E2F4: variants seen among roughly 807,000 people sequenced by gnomAD.
E2F4 encodes transcription factor E2F4.
In E2F4, 16 loss-of-function variants were observed where a neutral mutation model predicts 44.5. That is an observed-to-expected ratio of 0.36 (90% CI 0.24 to 0.55). The LOEUF (loss-of-function observed/expected upper bound fraction) is 0.55. E2F4 is among the 20% of genes least tolerant of loss of function. The probability of loss-of-function intolerance (pLI) is 0.87; values close to 1 mark genes in which losing one functional copy is unlikely to be tolerated. For missense variants in E2F4, 473 were observed against 522.1 expected, an observed-to-expected ratio of 0.91 and a Z score of 0.92; for synonymous variants, 242 against 207.2, an observed-to-expected ratio of 1.17 and a Z score of -1.44.
chr16:67,198,230 C>G lies in E2F4; in HGVS notation c.*107C>G, dbSNP rs1360633132. ...TACAGAGCTTGAGAGCCACAGACGCCTGGCTTCTCCGGCCTCCCCTCACCG... is the reference window on the plus strand; with the variant it reads ...TACAGAGCTTGAGAGCCACAGACGCGTGGCTTCTCCGGCCTCCCCTCACCG... On this transcript the variant is annotated 3_prime_UTR_variant, in exon 10 of 10. Coordinates refer to ENST00000379378, the MANE Select transcript of E2F4 (RefSeq NM_001950.4). 1.0e-6 allele frequency: 1 copy of G among 969,454 alleles called. No homozygotes were observed. The allele number at this position is 969,454 out of a possible 1,614,324, so 60.1% of individuals were successfully genotyped here. A position where few individuals can be genotyped will look rare whatever the true frequency, so the allele number is the denominator to read the frequency against.
At chr16:67,193,212 G>A in intron 3 of E2F4, 42 bp downstream of exon 3, 1 of 1,545,588 alleles carries the variant, frequency 6.5e-7, no homozygotes, top group Admixed American at 2.0e-5. Context: ...TGGGCAAGGG[G>A]CCCTCTGGTT....
intron 4 of E2F4, chr16:67,194,182 C>G (rs2032930885): frequency 1.8e-6 from 1 of 557,432 alleles, no homozygotes; most frequent in Non-Finnish European, 3.2e-6. Context: ...TGATCTTTCA[C>G]TCCACATAAT....
At chr16:67,194,218 C>T (rs2032931283) in intron 4 of E2F4, 180 bp from the exon 5 acceptor site, 2 of 622,250 alleles carry the variant, frequency 3.2e-6, no homozygotes, top group Non-Finnish European at 5.5e-6. Flanking sequence ...TGGTTACTGA[C>T]CCTGGGCTCT....
chr16:67,198,749 T>TATA lies in E2F4; in HGVS notation c.*626_*627insATA. 5.2e-6 allele frequency: 1 copy of TATA among 192,282 alleles called. No individual in the cohort carries two copies. The highest frequency in any genetic ancestry group is 1.1e-5 in the Non-Finnish European group (1 of 92,722). The allele number at this position is 192,282 out of a possible 1,614,324, so 11.9% of individuals were successfully genotyped here. On this transcript the variant is annotated 3_prime_UTR_variant, in exon 10 of 10. Transcript: ENST00000379378. ...CTCCTGCTGCCCCATAACCCTCTCT[T>TATA]CATTTCGGCTTTTTCATTTACCCTC...
chr16:67,194,142 TCGGTA>T, intron 4 of E2F4: 1 of 502,366 alleles, frequency 2.0e-6, no homozygotes, highest in Non-Finnish European at 3.6e-6. Flanking sequence ...GGATCAGCCA[TCGGTA>T]GAGGAATGAG....
chr16:67,195,028 C>CT (rs2032945790), intron 6 of E2F4, 48 bp downstream of exon 6: 1 of 1,581,200 alleles, frequency 6.3e-7, no homozygotes, highest in Admixed American at 1.7e-5. Context: ...GGTAGTATCT[C>CT]TGTGTTGTGG....
chr16:67,192,430 C>CGCT, intron 1 of E2F4, 68 bp downstream of exon 1: 1 of 1,395,758 alleles, frequency 7.2e-7, no homozygotes, highest in Non-Finnish European at 9.3e-7. Context: ...GCGGGAACCC[C>CGCT]GGGGGCGGCC....
rs2032933123 is a variant in E2F4 at position 67,194,323 on chromosome 16, T to A, written c.452-75T>A. The A allele has an allele frequency of 2.0e-6, 3 of 1,531,776 alleles. No homozygotes were observed. The South Asian group carries it at 3.4e-5, about 17-fold the overall frequency. The allele number at this position is 1,531,776 out of a possible 1,614,324, so 94.9% of individuals were successfully genotyped here. ...CAGGGACCGTGATCTCCTGCCTTGC[T>A]CCAAAAGGCAGGCACCTCTGTTCCC... On this transcript the variant is annotated intron_variant, in intron 4 of 9. Transcript: ENST00000379378.
In E2F4 at chr16:67,192,380, G is replaced by A. The variant is rs1275293186; in HGVS notation, c.135+18G>A. The A allele has an allele frequency of 7.0e-7, 1 of 1,420,340 alleles. No individual in the cohort carries two copies. Among genetic ancestry groups the A allele is most frequent in the Non-Finnish European group, 9.2e-7 (1 of 1,085,322 alleles). The allele number at this position is 1,420,340 out of a possible 1,614,324, so 88.0% of individuals were successfully genotyped here. On this transcript the variant is annotated intron_variant, in intron 1 of 9. Coordinates refer to ENST00000379378, the MANE Select transcript of E2F4 (RefSeq NM_001950.4). Reference sequence around the variant, plus strand: ...TCAAGCTGGTGCGGCCTGGGCTAAGGGGAGACAAGGGAGGCTGGTGGACCA... The same window carrying A: ...TCAAGCTGGTGCGGCCTGGGCTAAGAGGAGACAAGGGAGGCTGGTGGACCA...
At chr16:67,197,526 C>G in intron 7 of E2F4, 73 bp from the exon 8 acceptor site, 1 of 1,534,648 alleles carries the variant, frequency 6.5e-7, no homozygotes, top group South Asian at 1.1e-5. Flanking sequence ...GTATAGGATC[C>G]GAGGAAGCCA....
intron 1 of E2F4, 166 bp from the exon 2 acceptor site, chr16:67,192,595 G>T: frequency 1.1e-6 from 1 of 921,794 alleles, no homozygotes; most frequent in Non-Finnish European, 1.6e-6. Context: ...CCTGGCTGGC[G>T]AGGAGAAGAG....
intron 2 of E2F4, 65 bp downstream of exon 2, chr16:67,192,935 G>A (rs1414979219): frequency 2.6e-6 from 4 of 1,566,716 alleles, no homozygotes; most frequent in Admixed American, 1.9e-5. Flanking sequence ...TGGGGTGGAG[G>A]GTGCCGAAGA....
At chr16:67,197,176 G>A (rs775693539) in intron 7 of E2F4, among the ~76,000 whole-genome samples, 13 of 152,082 alleles carry the variant, frequency 8.5e-5, no homozygotes, top group South Asian at 2.1e-4. Context: ...TGTCCTCCTG[G>A]CCAGAGGTTT....
rs755331134 is a variant in E2F4, at chr16:67,192,250, C to A, written c.23C>A (p.Ala8Glu). The A allele has an allele frequency of 2.4e-6, 3 of 1,276,580 alleles. No homozygotes were observed. The highest frequency in any genetic ancestry group is 3.1e-5 in the East Asian group (1 of 32,322). 79.1% of individuals were successfully genotyped at this position (1,276,580 alleles called of 1,614,324 possible). A position where few individuals can be genotyped will look rare whatever the true frequency, so the allele number is the denominator to read the frequency against. Residue 8 changes from alanine (A) to glutamate (E), a missense_variant, in exon 1 of 10, where the codon GCG (alanine) becomes GAG (glutamate). Ala to Glu is a moderately radical substitution (Grantham distance 107, BLOSUM62 -1). This residue lies in a region of E2F4 where 40 missense variants were observed against 30.8 expected (regional missense o/e 1.30). Coordinates refer to ENST00000379378, the MANE Select transcript of E2F4 (RefSeq NM_001950.4). The part of the protein sequence containing the change: MAEAGPQ[A>E]PPPPGTPSRH... ...GCGATGGCGGAGGCCGGGCCACAGG[C>A]GCCGCCGCCCCCGGGCACTCCAAGC...
At chr16:67,192,598 G>C in intron 1 of E2F4, 163 bp from the exon 2 acceptor site, 1 of 919,630 alleles carries the variant, frequency 1.1e-6, no homozygotes, top group Non-Finnish European at 1.6e-6. Context: ...GGCTGGCGAG[G>C]AGAAGAGCTG....
At chr16:67,195,171 C>A (rs1470346861) in intron 6 of E2F4, among the ~76,000 whole-genome samples, 191 bp downstream of exon 6, 1 of 152,198 alleles carries the variant, frequency 6.6e-6, no homozygotes, top group Non-Finnish European at 1.5e-5. Flanking sequence ...CTCACTGTGT[C>A]CCCCAGGCTG....
At position 67,194,944 on chromosome 16, in the gene E2F4, G is replaced by T; in HGVS notation, c.772G>T (p.Val258Phe). 1 of 1,614,056 alleles carries T rather than the reference G, an allele frequency of 6.2e-7. No individual in the cohort carries two copies. Among genetic ancestry groups the T allele is most frequent in the South Asian group, 1.1e-5 (1 of 91,078 alleles). Residue 258 changes from valine to phenylalanine, a missense_variant, in exon 6 of 10, where the codon GTC becomes TTC. By Grantham distance (50) the Val-to-Phe change is conservative. Coordinates refer to ENST00000379378, the MANE Select transcript of E2F4 (RefSeq NM_001950.4). The part of the protein sequence containing the change: ...TPTAVPGSAE[V>F]QGMAGPAAEI... ...CACTGCTGTCCCTGGCAGTGCAGAA[G>T]TCCAGGGAATGGCTGGCCCAGCAGC...
At chr16:67,193,924 TTC>T in intron 4 of E2F4, 1 of 251,204 alleles carries the variant, frequency 4.0e-6, no homozygotes, top group South Asian at 6.9e-5. Context: ...TCCTTTTTTT[TTC>T]TTTTTAAGAG....
intron 4 of E2F4, 27 bp from the exon 5 acceptor site, chr16:67,194,371 T>A: frequency 6.2e-7 from 1 of 1,613,696 alleles, no homozygotes; most frequent in East Asian, 2.2e-5. Context: ...GCCCATGGGC[T>A]CTGACCCATT....
Sources: gnomAD v4.1 joint callset for allele counts (sites outside exome capture counted in the v4.1 genomes callset) on GRCh38, gnomAD v4.1.1 for gene constraint, gnomAD v4.1.1 regional missense constraint, MANE v1.5 for transcripts, NCBI Gene and HGNC (gene_info 2026-07-23, HGNC 2026-07-21) for gene names.